The following CNGB3 variants were observed in gnomAD, a reference collection of about 807,000 sequenced individuals.
The protein encoded by CNGB3 is cyclic nucleotide gated channel subunit beta 3.
A neutral mutation model predicts 92.8 loss-of-function variants in CNGB3; 86 were observed. The ratio of observed to expected loss-of-function variants is 0.93; its 90% CI spans 0.78 to 1.11. The LOEUF (loss-of-function observed/expected upper bound fraction) is 1.11. Ranked by LOEUF, CNGB3 falls within the 50% of genes least tolerant of loss-of-function variation. The pLI is 0.00. For synonymous variants in CNGB3, 333 were observed against 332.7 expected (o/e 1.00, Z -0.01); for missense variants, 1,026 against 956.8 (o/e 1.07, Z -0.95).
At chr8:86,640,501 T>C (rs1424426049) in intron 10 of CNGB3, among the ~76,000 whole-genome samples, 1 of 152,110 alleles carries the variant, frequency 6.6e-6, no homozygotes, top group East Asian at 1.9e-4. Context: ...CCCTCTACTT[T>C]AACCTTTAGA....
chr8:86,593,950 G>A (rs929914105), intron 15 of CNGB3: 13 of 525,542 alleles, frequency 2.5e-5, no homozygotes, highest in Non-Finnish European at 4.3e-5. Context: ...GGATCCTGTA[G>A]GAAGCCTCCA....
rs1822195925 is a variant in CNGB3, at chr8:86,597,427, A to G, written c.1781+6666T>C. 1.3e-5 allele frequency among the ~76,000 whole-genome samples: 2 copies of G among 152,208 alleles called. 1 individual carries two copies. The highest frequency in any genetic ancestry group is 4.1e-4 in the South Asian group (2 of 4,836). ...AGGAAGGAAGAAAAACATTGAAGAA[A>G]TAAATGCACTAATGCATGTATAGTT... On this transcript the variant is annotated intron_variant, in intron 15 of 17. Coordinates refer to ENST00000320005, the MANE Select transcript of CNGB3 (RefSeq NM_019098.5).
rs905664858 is a variant in CNGB3, at chr8:86,582,663, A to G, written c.1782-3411T>C. On this transcript the variant is annotated intron_variant, in intron 15 of 17. Transcript: ENST00000320005. ...TTAAATTAGAAGCCACACAAGAAAG[A>G]CAGTGGAGTACAGTATTTAAAGTGT... 3.3e-5 allele frequency among the ~76,000 whole-genome samples: 5 copies of G among 152,206 alleles called. No individual in the cohort carries two copies. In the East Asian group the frequency reaches 9.6e-4, roughly 29 times the overall value.
chr8:86,600,542 C>T (rs900886772), intron 15 of CNGB3, among the ~76,000 whole-genome samples: 20 of 152,044 alleles, frequency 1.3e-4, no homozygotes, highest in African/African-American at 4.8e-4. Flanking sequence ...GTAAAAATCA[C>T]CACTTAGTAT....
intron 3 of CNGB3, among the ~76,000 whole-genome samples, chr8:86,696,165 G>C (rs1173130605): frequency 6.6e-6 from 1 of 152,152 alleles, no homozygotes; most frequent in Non-Finnish European, 1.5e-5. Flanking sequence ...ATGGACTCAG[G>C]ACCTCTGATT....
chr8:86,710,396 T>C (rs978465182), intron 3 of CNGB3, among the ~76,000 whole-genome samples: 12 of 152,130 alleles, frequency 7.9e-5, no homozygotes, highest in African/African-American at 2.7e-4. Context: ...TCTACTCTTT[T>C]CCTCTCACCT....
chr8:86,601,531 T>C (rs1407854606), intron 15 of CNGB3, among the ~76,000 whole-genome samples: 1 of 152,118 alleles, frequency 6.6e-6, no homozygotes, highest in African/African-American at 2.4e-5. Context: ...TTTTTTTTTT[T>C]CCTGAGGAAA....
At chr8:86,640,321 T>A (rs1380052814) in intron 10 of CNGB3, among the ~76,000 whole-genome samples, 1 of 152,080 alleles carries the variant, frequency 6.6e-6, no homozygotes, top group Non-Finnish European at 1.5e-5. Flanking sequence ...ACTAAACTCT[T>A]GCACTAGGCC....
At chr8:86,681,754 AT>A (rs1335459934) in intron 3 of CNGB3, among the ~76,000 whole-genome samples, 4 of 152,216 alleles carry the variant, frequency 2.6e-5, no homozygotes, top group African/African-American at 9.6e-5. Context: ...AAAACATTAG[AT>A]TGGCTTCAGA....
intron 15 of CNGB3, among the ~76,000 whole-genome samples, chr8:86,586,973 T>G (rs1821908991): frequency 6.9e-6 from 1 of 144,842 alleles, no homozygotes; most frequent in Admixed American, 6.8e-5. Flanking sequence ...AGTGTTCCTA[T>G]TTCTCCACAT....
At chr8:86,721,194 G>A (rs1221189591) in intron 3 of CNGB3, among the ~76,000 whole-genome samples, 2 of 151,988 alleles carry the variant, frequency 1.3e-5, no homozygotes, top group Non-Finnish European at 2.9e-5. Context: ...TCACATTGCT[G>A]ACCTCAAGTG....
intron 10 of CNGB3, among the ~76,000 whole-genome samples, chr8:86,635,853 T>C (rs1417742532): frequency 2.5e-5 from 2 of 80,378 alleles, no homozygotes; most frequent in African/African-American, 1.3e-4. Flanking sequence ...TATATATATA[T>C]ATATATATAT....
chr8:86,654,135 A>G, intron 6 of CNGB3, 73 bp from the exon 7 acceptor site: 1 of 1,000,834 alleles, frequency 1.0e-6, no homozygotes, highest in Non-Finnish European at 1.6e-6. Flanking sequence ...TTAAATTTAT[A>G]ACTGTTTCTC....
At chr8:86,661,661 C>G in intron 6 of CNGB3, 3 of 896,938 alleles carry the variant, frequency 3.3e-6, no homozygotes, top group Non-Finnish European at 5.6e-6. Context: ...TTTTATATCT[C>G]CAGCCATCTC....
intron 15 of CNGB3, among the ~76,000 whole-genome samples, chr8:86,587,066 T>C (rs1472096099): frequency 1.4e-5 from 2 of 148,002 alleles, no homozygotes; most frequent in Non-Finnish European, 3.0e-5. Flanking sequence ...GTGGTTTTGA[T>C]TTGCATTTCT....
rs572882839 is a variant in CNGB3 at position 86,597,933 on chromosome 8, G to A, written c.1781+6160C>T. Among the ~76,000 whole-genome samples, 7 of 152,074 alleles carry A rather than the reference G, an allele frequency of 4.6e-5. No individual in the cohort carries two copies. The South Asian group carries it at 1.2e-3, about 27-fold the overall frequency. On this transcript the variant is annotated intron_variant, in intron 15 of 17. Transcript: ENST00000320005. ...GTGGAGGTTGCAGTCAGCCGAGATG[G>A]TGCCACTGAACTCCAGCCTGGGCGA...
intron 6 of CNGB3, chr8:86,658,553 CT>C: frequency 5.8e-6 from 2 of 343,544 alleles, no homozygotes; most frequent in Non-Finnish European, 5.5e-6. Context: ...TGTGGAGCTC[CT>C]TCTCATAGGG....
At chr8:86,656,764 A>G (rs774566210) in intron 6 of CNGB3, among the ~76,000 whole-genome samples, 7 of 152,156 alleles carry the variant, frequency 4.6e-5, no homozygotes, top group Non-Finnish European at 8.8e-5. Context: ...ATTCCAAAAG[A>G]AAAAGCAAAA....
At chr8:86,659,284 TA>T in intron 6 of CNGB3, 1 of 938,378 alleles carries the variant, frequency 1.1e-6, no homozygotes, top group Non-Finnish European at 1.8e-6. Flanking sequence ...AGCAACTCCA[TA>T]ACCTGCCCCA....
Sources: gnomAD v4.1 joint callset for allele counts (sites outside exome capture counted in the v4.1 genomes callset) on GRCh38, gnomAD v4.1.1 for gene constraint, MANE v1.5 for transcripts, NCBI Gene and HGNC (gene_info 2026-07-23, HGNC 2026-07-21) for gene names.